The following CLASP1 variants were observed in gnomAD, a reference collection of about 807,000 sequenced individuals.
CLASP1 encodes the protein cytoplasmic linker associated protein 1, also known as CLIP-associating protein 1.
Under a neutral mutation model 192.3 loss-of-function variants are expected in CLASP1, and 38 were observed. The observed-to-expected ratio is 0.20, with a 90% CI of 0.15 to 0.26. The LOEUF is 0.26. Among genes scored for constraint, CLASP1 ranks in the 10% least tolerant of loss-of-function variants. The pLI, the probability that CLASP1 is intolerant of heterozygous loss-of-function variation, is 1.00. For synonymous variants in CLASP1, 691 were observed against 712.8 expected, an observed-to-expected ratio of 0.97 and a Z score of 0.49; for missense variants, 1,433 against 1,932.5, an observed-to-expected ratio of 0.74 and a Z score of 4.85.
chr2:121,533,699 ACT>A (rs2094960275), intron 2 of CLASP1, among the ~76,000 whole-genome samples: 1 of 152,076 alleles, frequency 6.6e-6, no homozygotes, highest in Non-Finnish European at 1.5e-5. Flanking sequence ...AACACCATTA[ACT>A]CTGCGTGACC....
intron 2 of CLASP1, among the ~76,000 whole-genome samples, chr2:121,601,104 A>G (rs2063731928): frequency 6.6e-6 from 1 of 152,166 alleles, no homozygotes; most frequent in South Asian, 2.1e-4. Flanking sequence ...GGAGAACTTT[A>G]GGTCATTTGA....
chr2:121,479,020 A>C (rs2092333214), intron 8 of CLASP1, among the ~76,000 whole-genome samples: 1 of 57,404 alleles, frequency 1.7e-5, no homozygotes, highest in Non-Finnish European at 2.8e-5. Context: ...CACACACCAC[A>C]CACACACACA....
intron 7 of CLASP1, among the ~76,000 whole-genome samples, chr2:121,511,354 C>T (rs868798917): frequency 2.0e-5 from 3 of 151,940 alleles, no homozygotes; most frequent in Admixed American, 1.3e-4. Flanking sequence ...TTTGGGAGGC[C>T]GAGGCGGGTG....
chr2:121,480,809 G>A (rs2092538303), intron 8 of CLASP1, among the ~76,000 whole-genome samples: 1 of 152,146 alleles, frequency 6.6e-6, no homozygotes, highest in Non-Finnish European at 1.5e-5. Flanking sequence ...AACCCATTAC[G>A]GTAATTAATT....
chr2:121,532,001 G>A (rs972895155), intron 2 of CLASP1, among the ~76,000 whole-genome samples: 1 of 152,172 alleles, frequency 6.6e-6, no homozygotes, highest in Non-Finnish European at 1.5e-5. Flanking sequence ...ACACAAAGCC[G>A]GGCACTGCCC....
Position 121,614,233 on chromosome 2 carries a change from C to T in CLASP1, c.-285-8053G>A, listed in dbSNP as rs140885244. Among the ~76,000 whole-genome samples, 606 of 152,324 alleles carry T rather than the reference C, an allele frequency of 4.0e-3. 2 individuals are homozygous for T. The highest frequency in any genetic ancestry group is 6.4e-3 in the Non-Finnish European group (435 of 68,026). On this transcript the variant is annotated intron_variant, in intron 1 of 39. Transcript: ENST00000263710. ...TGAGGAAGCCGGGCGCGGTGGCTCA[C>T]GCCTATAATCCCAGCACTTTGGGAG...
chr2:121,483,182 G>A (rs769608990), intron 8 of CLASP1, among the ~76,000 whole-genome samples: 2 of 151,982 alleles, frequency 1.3e-5, no homozygotes, highest in Non-Finnish European at 2.9e-5. Flanking sequence ...CCCCCTCCCC[G>A]CCCCACACAG....
At chr2:121,378,135 C>G (rs1208713053) in intron 33 of CLASP1, among the ~76,000 whole-genome samples, 1 of 152,106 alleles carries the variant, frequency 6.6e-6, no homozygotes, top group Non-Finnish European at 1.5e-5. Context: ...GGTATCCAAT[C>G]CAGAAAACAA....
At chr2:121,448,693 C>T (rs1028318150) in intron 17 of CLASP1, among the ~76,000 whole-genome samples, 1 of 152,174 alleles carries the variant, frequency 6.6e-6, no homozygotes, top group Non-Finnish European at 1.5e-5. Flanking sequence ...CACACTACTC[C>T]ATAATTCACT....
At chr2:121,347,613 A>T (rs735483) in intron 38 of CLASP1, among the ~76,000 whole-genome samples, 32,207 of 152,140 alleles carry the variant, frequency 0.21, 6,515 homozygotes, top group African/African-American at 0.53. Flanking sequence ...TACCCTCCAG[A>T]GATTGCTGGG....
Position 121,428,916 on chromosome 2 carries a change from A to T in CLASP1, c.2017+1157T>A, listed in dbSNP as rs1261559740. 5.3e-5 allele frequency among the ~76,000 whole-genome samples: 8 copies of T among 152,314 alleles called. No individual in the cohort carries two copies. The East Asian group carries it at 1.5e-3, about 29-fold the overall frequency. On this transcript the variant is annotated intron_variant, in intron 20 of 39. Coordinates refer to ENST00000263710, the Ensembl canonical transcript of CLASP1. ...GTTATCACTCAATTTACAGACAACGAAACAATGGCTCACAAAGGTTAAAAG... is the reference window on the plus strand; with the variant it reads ...GTTATCACTCAATTTACAGACAACGTAACAATGGCTCACAAAGGTTAAAAG...
chr2:121,420,723 A>G (rs1005014770), intron 22 of CLASP1, among the ~76,000 whole-genome samples: 5 of 152,276 alleles, frequency 3.3e-5, no homozygotes, highest in Non-Finnish European at 1.5e-5. Flanking sequence ...ATAGTTGTTT[A>G]AACAAGTTCA....
At position 121,511,418 on chromosome 2, in the gene CLASP1, G is replaced by A. The variant is rs146899397; in HGVS notation, c.644+4247C>T. Among the ~76,000 whole-genome samples, 192 of 151,996 alleles carry A rather than the reference G, an allele frequency of 1.3e-3. 2 individuals are homozygous for A. The highest frequency in any genetic ancestry group is 4.4e-3 in the African/African-American group (182 of 41,482). ...AGCCTAACCAACATGGAGAAACCCCGTCTCTACTAAAAATACAAAATTAGC... is the reference window on the plus strand; with the variant it reads ...AGCCTAACCAACATGGAGAAACCCCATCTCTACTAAAAATACAAAATTAGC... On this transcript the variant is annotated intron_variant, in intron 7 of 39. Transcript: ENST00000263710.
At chr2:121,486,649 A>C (rs533009700) in intron 8 of CLASP1, among the ~76,000 whole-genome samples, 1 of 152,216 alleles carries the variant, frequency 6.6e-6, no homozygotes, top group African/African-American at 2.4e-5. Context: ...ATAGGCACAA[A>C]AGTAAGTCAG....
In CLASP1 at chr2:121,461,197, T is replaced by C. The variant is rs572640954; in HGVS notation, c.940-4A>G. 7.3e-6 allele frequency: 11 copies of C among 1,501,772 alleles called. No homozygotes were observed. In the East Asian group the frequency reaches 2.3e-4, roughly 31 times the overall value. 93.0% of individuals were successfully genotyped at this position (1,501,772 alleles called of 1,614,324 possible). A position where few individuals can be genotyped will look rare whatever the true frequency, so the allele number is the denominator to read the frequency against. Reference sequence around the variant, plus strand: ...CAAGGTCTCGGCTGGAATAAATCTGTAAGCAAAATTAATTTACAATCAATA... The same window carrying C: ...CAAGGTCTCGGCTGGAATAAATCTGCAAGCAAAATTAATTTACAATCAATA... On this transcript the variant is annotated splice_region_variant and splice_polypyrimidine_tract_variant and intron_variant, in intron 10 of 39. Transcript: ENST00000263710.
At chr2:121,497,077 A>T (rs1353081351) in intron 8 of CLASP1, among the ~76,000 whole-genome samples, 1 of 152,174 alleles carries the variant, frequency 6.6e-6, no homozygotes, top group Non-Finnish European at 1.5e-5. Flanking sequence ...CAGGAAGGGG[A>T]GGGGGAAGAG....
chr2:121,501,074 C>T (rs929965900), intron 8 of CLASP1, among the ~76,000 whole-genome samples: 5 of 152,162 alleles, frequency 3.3e-5, no homozygotes, highest in Non-Finnish European at 7.3e-5. Context: ...GGTATATGTA[C>T]ACACTCTTTT....
intron 11 of CLASP1, among the ~76,000 whole-genome samples, chr2:121,460,487 C>T (rs2087687732): frequency 6.6e-6 from 1 of 152,122 alleles, no homozygotes; most frequent in Non-Finnish European, 1.5e-5. Flanking sequence ...CGCGACACCC[C>T]ACTTCAACTG....
chr2:121,397,149 G>A (rs371480337), exon 30 of CLASP1: 59 of 1,613,546 alleles, frequency 3.7e-5, no homozygotes, highest in African/African-American at 1.3e-4. Context: ...CCTTTCTCAC[G>A]TCTGAACTCT....
Sources: allele counts gnomAD v4.1 joint callset (sites outside exome capture counted in the v4.1 genomes callset), GRCh38; gene constraint gnomAD v4.1.1; transcripts MANE v1.5; gene names NCBI Gene and HGNC (gene_info 2026-07-23, HGNC 2026-07-21).